Variants in AKR1C2 observed in about 807,000 individuals in gnomAD.
AKR1C2 encodes aldo-keto reductase family 1 member C2, also known as 3-alpha-HSD3.
A neutral mutation model predicts 39.8 loss-of-function variants in AKR1C2; 27 were observed. That is an observed-to-expected ratio of 0.68 (90% CI 0.50 to 0.93). The LOEUF is 0.93. Ranked by LOEUF, AKR1C2 falls within the 40% of genes least tolerant of loss-of-function variation. The pLI, the probability that AKR1C2 is intolerant of heterozygous loss-of-function variation, is 0.00. For synonymous variants in AKR1C2, 114 were observed against 137.9 expected (o/e 0.83, Z 1.22); for missense variants, 263 against 365.1 (o/e 0.72, Z 2.28).
chr10:5,002,065 G>A (rs1381245388), intron 1 of AKR1C2, among the ~76,000 whole-genome samples: 1 of 152,232 alleles, frequency 6.6e-6, no homozygotes, highest in African/African-American at 2.4e-5. Context: ...GGAATGCAGT[G>A]TAAGCTCCTG....
chr10:5,000,804 A>G (rs1837245315), intron 2 of AKR1C2, 138 bp from the exon 3 acceptor site: 1 of 709,716 alleles, frequency 1.4e-6, no homozygotes, highest in Non-Finnish European at 2.4e-6. Flanking sequence ...TCTTCTTGTG[A>G]TGCCTTTTGT....
rs142165998 is a variant in AKR1C2 at position 5,001,586 on chromosome 10, C to T, written c.180G>A (p.Gln60=). 2.0e-5 allele frequency: 32 copies of T among 1,613,916 alleles called. No individual in the cohort carries two copies. The African/African-American group carries it at 4.0e-4, about 20-fold the overall frequency. ...TCTTGCTTCGGATGGCCAGTCCAAC[C>T]TGCTCCTCATTATTGTAAACATGTG... is the stretch of plus-strand genomic sequence containing the variant. ...DSAHVYNNEE[Q]VGLAIRSKIA... Residue 60 remains glutamine, a synonymous_variant, in exon 2 of 9, where the codon CAG becomes CAA. Coordinates refer to ENST00000380753, the MANE Select transcript of AKR1C2 (RefSeq NM_001393392.1).
intron 8 of AKR1C2, among the ~76,000 whole-genome samples, chr10:4,991,363 CA>C (rs1256791850): frequency 6.6e-6 from 1 of 152,048 alleles, no homozygotes; most frequent in Non-Finnish European, 1.5e-5. Context: ...ATCCAGCAAG[CA>C]ATTCCATGTG....
intron 1 of AKR1C2, among the ~76,000 whole-genome samples, chr10:5,003,377 C>T (rs1554774059): frequency 6.6e-6 from 1 of 151,760 alleles, no homozygotes; most frequent in African/African-American, 2.4e-5. Flanking sequence ...TCCACCCCGT[C>T]TCCACTAACT....
chr10:5,002,299 G>A (rs1257590755), intron 1 of AKR1C2, among the ~76,000 whole-genome samples: 1 of 152,170 alleles, frequency 6.6e-6, no homozygotes. Flanking sequence ...TACACAAACA[G>A]TTACGTAGAG....
chr10:4,993,906 AT>A (rs1554772536), intron 7 of AKR1C2, among the ~76,000 whole-genome samples: 2 of 151,430 alleles, frequency 1.3e-5, no homozygotes, highest in African/African-American at 4.8e-5. Flanking sequence ...ATAACTTTTC[AT>A]TTTTGTTTTG....
chr10:4,992,118 T>C (rs1207487647), intron 7 of AKR1C2, among the ~76,000 whole-genome samples: 1 of 146,538 alleles, frequency 6.8e-6, no homozygotes, highest in African/African-American at 2.5e-5. Flanking sequence ...AGATAAAATA[T>C]TTTGAAACTG....
chr10:5,010,819 C>G, intron 1 of AKR1C2, among the ~76,000 whole-genome samples: 1 of 152,098 alleles, frequency 6.6e-6, no homozygotes, highest in Middle Eastern at 3.2e-3. Flanking sequence ...CTCAAAATAG[C>G]TTTGCAAGCT....
At position 5,000,232 on chromosome 10, in the gene AKR1C2, A is replaced by G. The variant is rs560343551; in HGVS notation, c.369+318T>C. On this transcript the variant is annotated intron_variant, in intron 3 of 8. Transcript: ENST00000380753. ...AGCTTCATGAAACTCTGTGTCTGTG[A>G]ACATCCCAAGAGGTGAAATCAGGAA... 35 of 1,440,418 alleles carry G rather than the reference A, an allele frequency of 2.4e-5. No homozygotes were observed. The East Asian group carries it at 5.3e-4, about 22-fold the overall frequency. 89.2% of individuals were successfully genotyped at this position (1,440,418 alleles called of 1,614,324 possible).
upstream of AKR1C2, among the ~76,000 whole-genome samples, chr10:5,008,275 G>GGATTCTCTCTGGGTATC (rs1837446979): frequency 8.2e-6 from 1 of 121,900 alleles, no homozygotes; most frequent in Non-Finnish European, 1.9e-5. Context: ...CAGACCCTGA[G>GGATTCTCTCTGGGTATC]CAGGTTTCTT....
intron 1 of AKR1C2, among the ~76,000 whole-genome samples, chr10:5,016,290 C>T (rs34805072): frequency 0.26 from 39,075 of 151,892 alleles, 5,273 homozygotes; most frequent in Non-Finnish European, 0.3. Flanking sequence ...CAAGTCCCTT[C>T]CAACTATGAG....
Position 5,003,096 on chromosome 10 carries a change from T to G in AKR1C2, c.84+656A>C, listed in dbSNP as rs1323739811. On this transcript the variant is annotated intron_variant, in intron 1 of 8. Transcript: ENST00000380753. Reference sequence around the variant, plus strand: ...ATCTAGAAAATAAAATATATTCCATTAATTTTCTTGTCAGAGAAACAAGAA... The same window carrying G: ...ATCTAGAAAATAAAATATATTCCATGAATTTTCTTGTCAGAGAAACAAGAA... Among the ~76,000 whole-genome samples, 4 of 152,154 alleles carry G rather than the reference T, an allele frequency of 2.6e-5. No individual in the cohort carries two copies. The South Asian group carries it at 8.3e-4, about 32-fold the overall frequency.
intron 8 of AKR1C2, among the ~76,000 whole-genome samples, chr10:4,990,428 C>T (rs1554772050): frequency 6.6e-6 from 1 of 152,152 alleles, no homozygotes; most frequent in East Asian, 1.9e-4. Flanking sequence ...AAGATATATG[C>T]TCATCACTAA....
chr10:4,997,253 G>A, intron 5 of AKR1C2: 1 of 152,034 alleles, frequency 6.6e-6, no homozygotes, highest in East Asian at 1.9e-4. Context: ...CCTTCAACTG[G>A]GAAAAACAAG....
rs1299946789 is a variant in AKR1C2, at chr10:4,988,302, G to A, written c.*1694C>T. 2 of 152,156 alleles carry A rather than the reference G, an allele frequency of 1.3e-5. No homozygotes were observed. The highest frequency in any genetic ancestry group is 2.9e-5 in the Non-Finnish European group (2 of 68,030). The allele number at this position is 152,156 out of a possible 1,614,324, so 9.4% of individuals were successfully genotyped here. ...AGTTAAGGTAGAACAGGATGGCCAT[G>A]GTTTACATGAGATTTCTTTGAGACA... On this transcript the variant is annotated 3_prime_UTR_variant, in exon 9 of 9. Coordinates refer to ENST00000380753, the MANE Select transcript of AKR1C2 (RefSeq NM_001393392.1).
At chr10:4,992,823 G>T (rs9733478) in intron 7 of AKR1C2, among the ~76,000 whole-genome samples, 3 of 151,672 alleles carry the variant, frequency 2.0e-5, no homozygotes, top group African/African-American at 4.8e-5. Flanking sequence ...GGCAGCATGC[G>T]CCAGCAGTCC....
At chr10:5,009,749 C>A (rs1837482455) in intron 1 of AKR1C2, among the ~76,000 whole-genome samples, 1 of 152,096 alleles carries the variant, frequency 6.6e-6, no homozygotes, top group South Asian at 2.1e-4. Context: ...AGCCTAAGTT[C>A]CTGGGCAGAC....
chr10:4,994,390 G>C (rs2131678660), intron 7 of AKR1C2, among the ~76,000 whole-genome samples: 1 of 152,212 alleles, frequency 6.6e-6, no homozygotes, highest in East Asian at 1.9e-4. Context: ...CCACTTGCTT[G>C]GCTATATGAA....
intron 7 of AKR1C2, among the ~76,000 whole-genome samples, chr10:4,995,009 C>A (rs1459014730): frequency 1.2e-5 from 1 of 81,976 alleles, no homozygotes; most frequent in Admixed American, 1.4e-4. Flanking sequence ...GAGTTGGAGA[C>A]TAAAGAACAT....
Sources: allele counts gnomAD v4.1 joint callset (sites outside exome capture counted in the v4.1 genomes callset), GRCh38; gene constraint gnomAD v4.1.1; transcripts MANE v1.5; gene names NCBI Gene and HGNC (gene_info 2026-07-23, HGNC 2026-07-21).